Variants in CLASP2 observed in about 807,000 individuals in gnomAD.
CLASP2 encodes CLIP-associating protein 2.
In CLASP2, 47 loss-of-function variants were observed where a neutral mutation model predicts 194.4. The ratio of observed to expected loss-of-function variants is 0.24; its 90% CI spans 0.19 to 0.31. The LOEUF is 0.31. CLASP2 is among the 10% of genes least tolerant of loss of function. The pLI is 1.00. For missense variants in CLASP2, 1,445 were observed against 1,823.6 expected, an observed-to-expected ratio of 0.79 and a Z score of 3.78; for synonymous variants, 619 against 633.5, an observed-to-expected ratio of 0.98 and a Z score of 0.34.
intron 34 of CLASP2, among the ~76,000 whole-genome samples, chr3:33,520,070 C>A (rs1440417534): frequency 4.6e-5 from 7 of 152,070 alleles, no homozygotes; most frequent in African/African-American, 1.7e-4. Context: ...CTGGAGTGCA[C>A]TGGCGTGATC....
At chr3:33,705,110 A>G (rs1039401937) in intron 1 of CLASP2, among the ~76,000 whole-genome samples, 1 of 152,234 alleles carries the variant, frequency 6.6e-6, no homozygotes, top group Admixed American at 6.5e-5. Context: ...TGTTCACTGC[A>G]GCATTATTCA....
intron 34 of CLASP2, among the ~76,000 whole-genome samples, chr3:33,529,396 G>T (rs1335806547): frequency 3.3e-5 from 5 of 152,076 alleles, no homozygotes; most frequent in African/African-American, 1.2e-4. Context: ...CAAAGCTAGA[G>T]GCATCACGTT....
rs2090327102 is a variant in CLASP2 at position 33,684,405 on chromosome 3, C to T, written c.598G>A (p.Glu200Lys). The T allele has an allele frequency of 1.2e-6, 2 of 1,604,162 alleles. No homozygotes were observed. Among genetic ancestry groups the T allele is most frequent in the African/African-American group, 1.3e-5 (1 of 74,124 alleles). ...TTATAAAGATCCATCCTCACTTTTTCTCCCACATGTCTATAAATCTCCACT... is the reference window on the plus strand; with the variant it reads ...TTATAAAGATCCATCCTCACTTTTTTTCCCACATGTCTATAAATCTCCACT... ...AIVEIYRHVG[E>K]KVRMDLYKRG... Residue 200 changes from glutamate to lysine, a missense_variant, in exon 6 of 39, where the codon GAA becomes AAA. Around this residue, in one of 4 missense-constraint regions of CLASP2, gnomAD observed 332 missense variants for 325.3 expected, o/e 1.02. Coordinates refer to ENST00000682230, the MANE Select transcript of CLASP2 (RefSeq NM_001365631.1).
At chr3:33,614,727 C>T (rs746776629) in intron 12 of CLASP2, among the ~76,000 whole-genome samples, 12 of 152,098 alleles carry the variant, frequency 7.9e-5, no homozygotes, top group Non-Finnish European at 8.8e-5. Context: ...CCAAGGCAGG[C>T]GGATCGCCTC....
chr3:33,555,700 T>C (rs1213044684), intron 29 of CLASP2, among the ~76,000 whole-genome samples: 1 of 152,150 alleles, frequency 6.6e-6, no homozygotes, highest in East Asian at 1.9e-4. Flanking sequence ...AATGTCATCC[T>C]CTCTCAGTGT....
chr3:33,616,309 A>T (rs1328124584), intron 12 of CLASP2, among the ~76,000 whole-genome samples: 2 of 152,158 alleles, frequency 1.3e-5, no homozygotes, highest in African/African-American at 4.8e-5. Context: ...AAATGTTATT[A>T]TATAATCTTA....
rs572837521 is a variant in CLASP2 at position 33,581,907 on chromosome 3, C to T, written c.2261G>A (p.Arg754Gln). The part of the protein sequence containing the change: ...LSVARSSRIP[R>Q]PSVSQGCSRE... ...GCTGCATCCTTGACTCACACTTGGTCGAGGAATACGACTGCTTCGGGCTGG... is the reference window on the plus strand; with the variant it reads ...GCTGCATCCTTGACTCACACTTGGTTGAGGAATACGACTGCTTCGGGCTGG... Residue 754 changes from arginine (R) to glutamine (Q), a missense_variant, in exon 23 of 39, where the codon CGA becomes CAA. Arg to Gln is a conservative substitution (Grantham distance 43). Transcript: ENST00000682230. 1.9e-6 allele frequency: 3 copies of T among 1,613,322 alleles called. No homozygotes were observed. Among genetic ancestry groups the T allele is most frequent in the Non-Finnish European group, 1.7e-6 (2 of 1,179,592 alleles).
intron 4 of CLASP2, 23 bp downstream of exon 4, chr3:33,688,253 AT>A (rs1490663621): frequency 2.0e-6 from 3 of 1,499,390 alleles, no homozygotes; most frequent in Middle Eastern, 1.7e-4. Context: ...CAAGACAGTT[AT>A]TTTCAGTAAT....
intron 38 of CLASP2, among the ~76,000 whole-genome samples, chr3:33,499,723 C>G (rs185680268): frequency 1.7e-4 from 26 of 152,208 alleles, no homozygotes; most frequent in African/African-American, 6.0e-4. Flanking sequence ...ACCATTAAAG[C>G]AATAATAACA....
intron 1 of CLASP2, among the ~76,000 whole-genome samples, chr3:33,717,555 T>C (rs1193254711): frequency 6.6e-6 from 1 of 152,014 alleles, no homozygotes; most frequent in Non-Finnish European, 1.5e-5. Flanking sequence ...GCCTCCTGGG[T>C]AGCTGGGATT....
chr3:33,526,449 C>A (rs2054585790), intron 34 of CLASP2, among the ~76,000 whole-genome samples: 1 of 152,142 alleles, frequency 6.6e-6, no homozygotes, highest in South Asian at 2.1e-4. Flanking sequence ...AATATATATG[C>A]ACCCAACACA....
chr3:33,659,856 C>T (rs1403277366), intron 7 of CLASP2, among the ~76,000 whole-genome samples: 1 of 152,208 alleles, frequency 6.6e-6, no homozygotes, highest in Non-Finnish European at 1.5e-5. Context: ...AGCTGCTTTG[C>T]TTTTCACCAA....
intron 37 of CLASP2, chr3:33,505,387 G>T (rs2047896666): frequency 6.6e-6 from 1 of 152,080 alleles, no homozygotes; most frequent in Non-Finnish European, 1.5e-5. Context: ...TAGGCAGTTA[G>T]GTAAGTTTCT....
rs554972593 is a variant in CLASP2, at chr3:33,505,646, C to T, written c.4318-3878G>A. On this transcript the variant is annotated intron_variant, in intron 37 of 38. Coordinates refer to ENST00000682230, the MANE Select transcript of CLASP2 (RefSeq NM_001365631.1). Reference sequence around the variant, plus strand: ...ATCATTAGGTGAAAAGATGATGGGGCAAGGTATATAATGGAGGGATTAGAC... The same window carrying T: ...ATCATTAGGTGAAAAGATGATGGGGTAAGGTATATAATGGAGGGATTAGAC... 5.9e-5 allele frequency among the ~76,000 whole-genome samples: 9 copies of T among 152,276 alleles called. No individual in the cohort carries two copies. The South Asian group carries it at 1.9e-3, about 32-fold the overall frequency.
intron 2 of CLASP2, among the ~76,000 whole-genome samples, chr3:33,693,785 T>C (rs767271524): frequency 1.9e-4 from 29 of 151,988 alleles, no homozygotes; most frequent in Non-Finnish European, 3.5e-4. Flanking sequence ...GCACTTATGA[T>C]TCAAAGTGAA....
rs796665300 is a variant in CLASP2 at position 33,695,647 on chromosome 3, AG to A, written c.274+1207del. ...AGGAGGCATTAACTTAATCCACAAA[AG>A]AAAATCACTGGCCAGGCATGGTGGT... On this transcript the variant is annotated intron_variant, in intron 2 of 38. Coordinates refer to ENST00000682230, the MANE Select transcript of CLASP2 (RefSeq NM_001365631.1). Among the ~76,000 whole-genome samples, 35 of 152,274 alleles carry A rather than the reference AG, an allele frequency of 2.3e-4. 1 individual carries two copies. Among genetic ancestry groups the A allele is most frequent in the African/African-American group, 7.7e-4 (32 of 41,572 alleles).
At chr3:33,553,845 A>G (rs2060452846) in intron 29 of CLASP2, among the ~76,000 whole-genome samples, 1 of 152,222 alleles carries the variant, frequency 6.6e-6, no homozygotes, top group Admixed American at 6.5e-5. Context: ...GCATTCCACT[A>G]GTGGGTATAT....
At chr3:33,671,056 A>G (rs573189310) in intron 6 of CLASP2, among the ~76,000 whole-genome samples, 2 of 152,200 alleles carry the variant, frequency 1.3e-5, no homozygotes, top group South Asian at 4.2e-4. Flanking sequence ...AGAAATGGAA[A>G]TCCCGAACTC....
intron 37 of CLASP2, among the ~76,000 whole-genome samples, chr3:33,506,846 T>C (rs1234932631): frequency 6.6e-6 from 1 of 152,184 alleles, no homozygotes; most frequent in Non-Finnish European, 1.5e-5. Context: ...TTTATGACAG[T>C]ACCATGTTGT....
Sources: allele counts gnomAD v4.1 joint callset (sites outside exome capture counted in the v4.1 genomes callset), GRCh38; gene constraint gnomAD v4.1.1; regional missense constraint gnomAD v4.1.1; transcripts MANE v1.5; gene names NCBI Gene and HGNC (gene_info 2026-07-23, HGNC 2026-07-21).